Variants in COX10 observed in about 807,000 individuals in gnomAD.
The protein encoded by COX10 is protoheme IX farnesyltransferase, mitochondrial.
A neutral mutation model predicts 37.3 loss-of-function variants in COX10; 27 were observed. The observed-to-expected ratio is 0.72, with a 90% confidence interval of 0.53 to 1.00. The LOEUF (loss-of-function observed/expected upper bound fraction) is 1.00. Among genes scored for constraint, COX10 ranks in the 50% least tolerant of loss-of-function variants. The probability of loss-of-function intolerance (pLI) is 0.00; values close to 1 mark genes in which losing one functional copy is unlikely to be tolerated. For synonymous variants in COX10, 222 were observed against 229.1 expected (o/e 0.97, Z 0.28); for missense variants, 475 against 563.2 (o/e 0.84, Z 1.59).
chr17:14,182,364 T>C (rs1905894219), intron 5 of COX10: 5 of 917,408 alleles, frequency 5.5e-6, no homozygotes, highest in Middle Eastern at 5.6e-4. Flanking sequence ...TTATGCCAAA[T>C]ATATTTTCTT....
chr17:14,180,582 G>A (rs1388775984), intron 5 of COX10, among the ~76,000 whole-genome samples: 3 of 152,160 alleles, frequency 2.0e-5, no homozygotes, highest in Non-Finnish European at 4.4e-5. Flanking sequence ...TCCTAGGGAT[G>A]AAGGATTCTT....
At chr17:14,078,730 T>C (rs1405989702) in intron 3 of COX10, among the ~76,000 whole-genome samples, 2 of 152,182 alleles carry the variant, frequency 1.3e-5, no homozygotes, top group Middle Eastern at 3.2e-3. Flanking sequence ...ACCCAAAATA[T>C]TGCTTTCGAT....
At chr17:14,162,871 T>G (rs1000678693) in intron 5 of COX10, among the ~76,000 whole-genome samples, 23 of 152,242 alleles carry the variant, frequency 1.5e-4, no homozygotes, top group Non-Finnish European at 4.4e-5. Context: ...AAGTTTATTT[T>G]TTCCATTCAG....
At position 14,074,310 on chromosome 17, in the gene COX10, C is replaced by T. The variant is rs561075405; in HGVS notation, c.44-13C>T. ...ATCATTTAACCTTTCTTCCACTTCT[C>T]TCTCTATTATAGGTTGCGTAGGAGG... On this transcript the variant is annotated splice_polypyrimidine_tract_variant and intron_variant, in intron 1 of 6. Coordinates refer to ENST00000261643, the MANE Select transcript of COX10 (RefSeq NM_001303.4). 36 of 1,613,886 alleles carry T rather than the reference C, an allele frequency of 2.2e-5. No homozygotes were observed. The highest frequency in any genetic ancestry group is 2.9e-5 in the Non-Finnish European group (34 of 1,179,916).
At chr17:14,073,258 G>C (rs1442668315) in intron 1 of COX10, among the ~76,000 whole-genome samples, 1 of 152,176 alleles carries the variant, frequency 6.6e-6, no homozygotes, top group Non-Finnish European at 1.5e-5. Flanking sequence ...AATGTAAGAT[G>C]ATCAGTAAAA....
chr17:14,072,382 G>A (rs915658385), intron 1 of COX10, among the ~76,000 whole-genome samples: 8 of 152,026 alleles, frequency 5.3e-5, no homozygotes, highest in East Asian at 1.9e-4. Context: ...CACCACGGCC[G>A]GCTAAGTTTT....
intron 6 of COX10, among the ~76,000 whole-genome samples, chr17:14,194,369 G>A (rs1906300633): frequency 1.3e-5 from 2 of 152,236 alleles, no homozygotes; most frequent in South Asian, 4.1e-4. Flanking sequence ...TCAGACAAGA[G>A]CCCTTATTTG....
At chr17:14,101,727 G>A (rs1915787085) in intron 3 of COX10, among the ~76,000 whole-genome samples, 1 of 152,132 alleles carries the variant, frequency 6.6e-6, no homozygotes, top group Admixed American at 6.6e-5. Flanking sequence ...AGTTATTAAG[G>A]CATATCTGCC....
At chr17:14,119,892 C>T (rs868725248) in intron 4 of COX10, among the ~76,000 whole-genome samples, 89 of 152,046 alleles carry the variant, frequency 5.9e-4, no homozygotes, top group African/African-American at 2.1e-3. Context: ...TAGAGAGAGA[C>T]CTGATCAGAT....
At chr17:14,139,072 C>T (rs1904465169) in intron 4 of COX10, among the ~76,000 whole-genome samples, 1 of 152,150 alleles carries the variant, frequency 6.6e-6, no homozygotes, top group South Asian at 2.1e-4. Context: ...GTGAGGATTA[C>T]ATGAAATAAT....
chr17:14,174,456 C>CA (rs61593222), intron 5 of COX10, among the ~76,000 whole-genome samples: 2,186 of 65,940 alleles, frequency 0.033, 87 homozygotes, highest in African/African-American at 0.088. Flanking sequence ...AAGACCCTGT[C>CA]AAAAAAAAAA....
chr17:14,162,503 G>C (rs746590898), intron 5 of COX10, among the ~76,000 whole-genome samples: 3 of 152,036 alleles, frequency 2.0e-5, no homozygotes, highest in African/African-American at 7.2e-5. Context: ...ACCTATTCTT[G>C]ATTAGTGATT....
At chr17:14,181,613 G>A (rs1364311868) in intron 5 of COX10, among the ~76,000 whole-genome samples, 1 of 152,134 alleles carries the variant, frequency 6.6e-6, no homozygotes, top group Non-Finnish European at 1.5e-5. Context: ...TTTTTAAGTA[G>A]AGTCTTATAA....
At chr17:14,139,846 A>G (rs1012887121) in intron 4 of COX10, among the ~76,000 whole-genome samples, 2 of 152,192 alleles carry the variant, frequency 1.3e-5, no homozygotes, top group Admixed American at 1.3e-4. Flanking sequence ...CTATAATAGT[A>G]GTAAAAATAA....
chr17:14,105,077 GAT>G (rs928858933), intron 4 of COX10, among the ~76,000 whole-genome samples: 51 of 152,200 alleles, frequency 3.4e-4, no homozygotes, highest in Middle Eastern at 3.4e-3. Context: ...AATTTAAAAA[GAT>G]AAGAATTATC....
intron 3 of COX10, among the ~76,000 whole-genome samples, chr17:14,092,018 A>T (rs1183142856): frequency 6.6e-6 from 1 of 152,132 alleles, no homozygotes; most frequent in East Asian, 1.9e-4. Flanking sequence ...AAAGGTTATA[A>T]ATTTTTGGTT....
chr17:14,186,985 G>GTTTT (rs36094568), intron 5 of COX10, among the ~76,000 whole-genome samples: 4 of 148,724 alleles, frequency 2.7e-5, no homozygotes, highest in African/African-American at 9.9e-5. Context: ...TTATTTTAAG[G>GTTTT]TTTTTTTTTT....
At chr17:14,141,605 G>A (rs974746797) in intron 4 of COX10, among the ~76,000 whole-genome samples, 42 of 151,394 alleles carry the variant, frequency 2.8e-4, no homozygotes, top group African/African-American at 9.9e-4. Flanking sequence ...TTCTCATTGT[G>A]GAATAAAAGT....
At chr17:14,103,755 A>T (rs994038474) in intron 4 of COX10, among the ~76,000 whole-genome samples, 4 of 152,156 alleles carry the variant, frequency 2.6e-5, no homozygotes, top group Non-Finnish European at 5.9e-5. Context: ...AAATTGAATG[A>T]TTTACATTTA....
Sources: gnomAD v4.1 joint callset for allele counts (sites outside exome capture counted in the v4.1 genomes callset) on GRCh38, gnomAD v4.1.1 for gene constraint, MANE v1.5 for transcripts, NCBI Gene and HGNC (gene_info 2026-07-23, HGNC 2026-07-21) for gene names.